Variants in SPAG8 observed in about 807,000 individuals in gnomAD.
The protein encoded by SPAG8 is sperm-associated antigen 8.
SPAG8 carries 36 observed loss-of-function variants against 45.3 expected under a neutral mutation model. The ratio of observed to expected loss-of-function variants is 0.80; its 90% CI spans 0.61 to 1.05. The LOEUF is 1.05. Among genes scored for constraint, SPAG8 ranks in the 50% least tolerant of loss-of-function variants. SPAG8 has a pLI of 0.00. For missense variants in SPAG8, 573 were observed against 609.2 expected (o/e 0.94, Z 0.63); for synonymous variants, 227 against 232.6 (o/e 0.98, Z 0.22).
chr9:35,810,337 T>C (rs1252604495), intron 5 of SPAG8, 28 bp from the exon 6 acceptor site: 1 of 1,612,806 alleles, frequency 6.2e-7, no homozygotes, highest in Non-Finnish European at 8.5e-7. Flanking sequence ...GAGTAACTCC[T>C]GGCCTTCAGC....
downstream of SPAG8, chr9:35,808,612 A>G (rs1828559781): frequency 2.5e-6 from 4 of 1,614,092 alleles, no homozygotes; most frequent in Non-Finnish European, 3.4e-6. This position sits in a 1 kb window ranked among gnomAD's most constrained non-coding sequence, Gnocchi z 4.0. Flanking sequence ...GCATTACTAG[A>G]TGCAGTTTCT....
In SPAG8 at chr9:35,811,956, C is replaced by T. The variant is rs758479826; in HGVS notation, c.90G>A (p.Ser30=). ...QPSSEGLGPT[S]EPFPSSDDSP... is the part of the protein sequence containing the mutation. ...TGTCATCTGAAGAAGGAAACGGTTC[C>T]GAAGTGGGCCCCAGTCCTTCGGAGC... is the stretch of plus-strand genomic sequence containing the variant. Residue 30 remains serine (S), a synonymous_variant, in exon 2 of 7, where the codon TCG becomes TCA. Transcript: ENST00000396638. 4.4e-6 allele frequency: 7 copies of T among 1,600,756 alleles called. No homozygotes were observed. Among genetic ancestry groups the T allele is most frequent in the Non-Finnish European group, 6.0e-6 (7 of 1,170,700 alleles).
chr9:35,811,182 C>T lies in SPAG8; in HGVS notation c.864G>A (p.Glu288=). 6.4e-7 allele frequency: 1 copy of T among 1,560,674 alleles called. No individual in the cohort carries two copies. Among genetic ancestry groups the T allele is most frequent in the Admixed American group, 1.9e-5 (1 of 52,796 alleles). The change falls in exon 2 of 7, where the codon GAG becomes GAA. Residue 288 remains glutamate, a splice_region_variant and synonymous_variant. Coordinates refer to ENST00000396638, the MANE Select transcript of SPAG8 (RefSeq NM_001039592.2). ...AGGGAGCAGGCCAAAACTTTAATAC[C>T]TCTTCCTCCCAGTTGTAGAGGAGGC... ...GQCLLYNWEE[E]RATNHLDQVP... is the part of the protein sequence containing the mutation.
At position 35,812,183 on chromosome 9, in the gene SPAG8, G is replaced by T. The variant is rs758896428; in HGVS notation, c.-36C>A. The T allele has an allele frequency of 6.3e-7, 1 of 1,599,210 alleles. No homozygotes were observed. The highest frequency in any genetic ancestry group is 2.2e-5 in the East Asian group (1 of 44,878). On this transcript the variant is annotated 5_prime_UTR_variant, in exon 1 of 7. It adds an upstream start codon to the 5' untranslated region. Transcript: ENST00000396638. Reference sequence around the variant, plus strand: ...CAGCTACTGGGTTGCCATAGAGACAGCAAACAACTCCTGGAGCCTGCGCAG... The same window carrying T: ...CAGCTACTGGGTTGCCATAGAGACATCAAACAACTCCTGGAGCCTGCGCAG...
At chr9:35,808,742 T>C (rs754997445), downstream of SPAG8, 27 of 1,612,780 alleles carry the variant, frequency 1.7e-5, no homozygotes, top group Non-Finnish European at 7.6e-6. The surrounding 1 kb of genome is among the most constrained non-coding windows in gnomAD (Gnocchi z 4.0). Context: ...TCCCAACCTG[T>C]TTCTTCTCAA....
chr9:35,809,501 T>C, downstream of SPAG8: 2 of 1,613,922 alleles, frequency 1.2e-6, no homozygotes, highest in Non-Finnish European at 1.7e-6. This position sits in a 1 kb window ranked among gnomAD's most constrained non-coding sequence, Gnocchi z 4.1. Context: ...GGGTGGGCAA[T>C]GGCCACCATG....
downstream of SPAG8, chr9:35,809,772 T>A: frequency 6.5e-7 from 1 of 1,531,668 alleles, no homozygotes; most frequent in South Asian, 1.2e-5. The surrounding 1 kb of genome is among the most constrained non-coding windows in gnomAD (Gnocchi z 4.1). Context: ...GGTTATGGGG[T>A]ATGCACACAG....
Position 35,810,144 on chromosome 9 carries a change from C to G in SPAG8, c.1264-12G>C. ...ATGTTACTGACACCCTGGAGGAGTG[C>G]CAGGATGAGGATGGATCCCACTCTC... On this transcript the variant is annotated splice_polypyrimidine_tract_variant and intron_variant, in intron 6 of 6. Coordinates refer to ENST00000396638, the MANE Select transcript of SPAG8 (RefSeq NM_001039592.2). 6.2e-7 allele frequency: 1 copy of G among 1,608,496 alleles called. No homozygotes were observed. The highest frequency in any genetic ancestry group is 8.5e-7 in the Non-Finnish European group (1 of 1,175,704).
chr9:35,810,660 C>T lies in SPAG8; in HGVS notation c.1062G>A (p.Glu354=). 6.2e-7 allele frequency: 1 copy of T among 1,614,134 alleles called. No homozygotes were observed. The highest frequency in any genetic ancestry group is 8.5e-7 in the Non-Finnish European group (1 of 1,180,026). ...ACCAGATCTGATGCTGCAGGAGCAT[C>T]TCCAGCATGGCTTCACGCTTCCCTG... is the stretch of plus-strand genomic sequence containing the variant. ...PLRGKREAML[E]MLLQHQICKE... The change falls in exon 4 of 7, where the codon GAG becomes GAA. Residue 354 remains glutamate, a synonymous_variant. Coordinates refer to ENST00000396638, the MANE Select transcript of SPAG8 (RefSeq NM_001039592.2).
chr9:35,811,752 C>A lies in SPAG8; in HGVS notation c.294G>T (p.Ala98=). The stretch of plus-strand genomic sequence containing the variant: ...CTATATTGTGGGTAAAGCCGGGTCC[C>A]GCACAGGGCTCCCCAAGAAGGCTGG... The part of the protein sequence containing the change: ...SDPSLLGEPC[A]GPGFTHNIAH... The change falls in exon 2 of 7, where the codon GCG becomes GCT. Residue 98 remains alanine, a synonymous_variant. Transcript: ENST00000396638. 1 of 1,614,222 alleles carries A rather than the reference C, an allele frequency of 6.2e-7. No homozygotes were observed. The highest frequency in any genetic ancestry group is 8.5e-7 in the Non-Finnish European group (1 of 1,180,032).
chr9:35,810,851 C>T, intron 3 of SPAG8, 32 bp downstream of exon 3: 3 of 1,604,806 alleles, frequency 1.9e-6, no homozygotes, highest in Non-Finnish European at 2.6e-6. Flanking sequence ...GAGTAATGGG[C>T]TCGTTCTGGC....
In SPAG8 at chr9:35,811,488, ACCAGGACCAGAGCCAGGACCAGAG is replaced by A. The variant is rs59748329; in HGVS notation, c.534_557del (p.Ser179_Gly186del). The A allele has an allele frequency of 1.9e-6, 3 of 1,612,768 alleles. No individual in the cohort carries two copies. Among genetic ancestry groups the A allele is most frequent in the African/African-American group, 1.3e-5 (1 of 74,484 alleles). ...GACCAGGATGAGAGCCAGAGCCATG[ACCAGGACCAGAGCCAGGACCAGAG>A]CCAGGACCAGGACCAGAGCCAGAGC... On this transcript the variant is annotated inframe_deletion, in exon 2 of 7. Coordinates refer to ENST00000396638, the MANE Select transcript of SPAG8 (RefSeq NM_001039592.2).
intron 4 of SPAG8, 33 bp downstream of exon 4, chr9:35,810,604 C>G (rs1828734945): frequency 6.2e-7 from 1 of 1,614,066 alleles, no homozygotes; most frequent in African/African-American, 1.3e-5. Flanking sequence ...TTTTCTCCTC[C>G]CCATCCCTCT....
rs776513560 is a variant in SPAG8, at chr9:35,811,653, A to G, written c.393T>C (p.His131=). 3.7e-6 allele frequency: 6 copies of G among 1,614,188 alleles called. No homozygotes were observed. The South Asian group carries it at 6.6e-5, about 18-fold the overall frequency. The change falls in exon 2 of 7, where the codon CAT becomes CAC. Residue 131 remains histidine (H), a synonymous_variant. Transcript: ENST00000396638. ...CTGGAACAGGGCCAGGATTAGAACT[A>G]TGGTCAGTTGTAGTGCAAGTGTCCT... ...IAQDTCTTTD[H]SSNPGPVPGS...
chr9:35,811,561 C>A lies in SPAG8; in HGVS notation c.485G>T (p.Gly162Val), dbSNP rs763086601. ...GAGHGSGSGSGPGCGSVPGSG... is the reference protein window; with the variant it reads ...GAGHGSGSGSVPGCGSVPGSG... The stretch of plus-strand genomic sequence containing the variant: ...GCCAGGGACAGAGCCACAGCCAGGA[C>A]CAGAGCCAGAGCCAGAGCCATGGCC... The change falls in exon 2 of 7, where the codon GGT becomes GTT. Residue 162 changes from glycine (G) to valine (V), a missense_variant. Physicochemically the swap from Gly to Val is moderately radical, Grantham distance 109. Coordinates refer to ENST00000396638, the MANE Select transcript of SPAG8 (RefSeq NM_001039592.2). 4 of 1,612,088 alleles carry A rather than the reference C, an allele frequency of 2.5e-6. No homozygotes were observed. Among genetic ancestry groups the A allele is most frequent in the Non-Finnish European group, 3.4e-6 (4 of 1,178,930 alleles).
chr9:35,811,969 A>G lies in SPAG8; in HGVS notation c.77T>C (p.Leu26Pro). ...AGGAAACGGTTCCGAAGTGGGCCCC[A>G]GTCCTTCGGAGCTGGGCTGTATGTC... is the stretch of plus-strand genomic sequence containing the variant. ...SLDIQPSSEG[L>P]GPTSEPFPSS... The change falls in exon 2 of 7, where the codon CTG becomes CCG. Residue 26 changes from leucine to proline, a missense_variant. Physicochemically the swap from Leu to Pro is moderately conservative, Grantham distance 98. Transcript: ENST00000396638. 4 of 1,600,026 alleles carry G rather than the reference A, an allele frequency of 2.5e-6. No homozygotes were observed. The South Asian group carries it at 4.4e-5, about 18-fold the overall frequency.
chr9:35,811,957 G>A lies in SPAG8; in HGVS notation c.89C>T (p.Ser30Leu). Residue 30 changes from serine (S) to leucine (L), a missense_variant, in exon 2 of 7, where the codon TCG (serine) becomes TTG (leucine). Transcript: ENST00000396638. ...QPSSEGLGPT[S>L]EPFPSSDDSP... Reference sequence around the variant, plus strand: ...GTCATCTGAAGAAGGAAACGGTTCCGAAGTGGGCCCCAGTCCTTCGGAGCT... The same window carrying A: ...GTCATCTGAAGAAGGAAACGGTTCCAAAGTGGGCCCCAGTCCTTCGGAGCT... 1 of 1,600,980 alleles carries A rather than the reference G, an allele frequency of 6.2e-7. No homozygotes were observed. Among genetic ancestry groups the A allele is most frequent in the South Asian group, 1.1e-5 (1 of 90,770 alleles).
chr9:35,809,504 C>T, downstream of SPAG8: 1 of 1,613,710 alleles, frequency 6.2e-7, no homozygotes, highest in Non-Finnish European at 8.5e-7. The surrounding 1 kb of genome is among the most constrained non-coding windows in gnomAD (Gnocchi z 4.1). Context: ...TGGGCAATGG[C>T]CACCATGTCT....
downstream of SPAG8, chr9:35,808,422 A>C (rs569978848): frequency 6.8e-7 from 1 of 1,468,056 alleles, no homozygotes; most frequent in Non-Finnish European, 9.5e-7. The surrounding 1 kb of genome is among the most constrained non-coding windows in gnomAD (Gnocchi z 4.0). Flanking sequence ...AGGATGATTA[A>C]TGATGGTGTC....
Sources: gnomAD v4.1 joint callset for allele counts on GRCh38, gnomAD v4.1.1 for gene constraint, Gnocchi (gnomAD v3.1) non-coding constraint, MANE v1.5 for transcripts, NCBI Gene and HGNC (gene_info 2026-07-23, HGNC 2026-07-21) for gene names.